SARDH: variants seen among roughly 807,000 people sequenced by gnomAD.
SARDH encodes sarcosine dehydrogenase, mitochondrial.
In SARDH, 95 loss-of-function variants were observed where a neutral mutation model predicts 109.1. The ratio of observed to expected loss-of-function variants is 0.87; its 90% CI spans 0.74 to 1.03. SARDH has a LOEUF of 1.03. Among genes scored for constraint, SARDH ranks in the 50% least tolerant of loss-of-function variants. SARDH has a pLI of 0.00. For missense variants in SARDH, 1,267 were observed against 1,287.8 expected, an observed-to-expected ratio of 0.98 and a Z score of 0.25; for synonymous variants, 572 against 534.8, an observed-to-expected ratio of 1.07 and a Z score of -0.96.
chr9:133,711,187 GGTCAGGA>G (rs1200904385), intron 10 of SARDH, among the ~76,000 whole-genome samples: 1 of 152,262 alleles, frequency 6.6e-6, no homozygotes, highest in African/African-American at 2.4e-5. Flanking sequence ...CTAGGCCCCA[GGTCAGGA>G]GCTGGGCAGG....
At position 133,704,195 on chromosome 9, in the gene SARDH, C is replaced by T. The variant is rs571549766; in HGVS notation, c.1554+753G>A. Among the ~76,000 whole-genome samples the T allele has an allele frequency of 5.9e-5, 9 of 152,302 alleles. No individual in the cohort carries two copies. The highest frequency in any genetic ancestry group is 2.2e-4 in the African/African-American group (9 of 41,564). ...TAGCCAGCTCTGGCTCTCATCTCCC[C>T]TCCCGATGCCCTGGAGCTCTGGAGC... is the stretch of plus-strand genomic sequence containing the variant. On this transcript the variant is annotated intron_variant, in intron 12 of 20. Coordinates refer to ENST00000439388, the MANE Select transcript of SARDH (RefSeq NM_001134707.2). This position sits in a 1 kb window ranked among gnomAD's most constrained non-coding sequence, Gnocchi z 4.5.
At chr9:133,713,199 C>A in intron 8 of SARDH, 75 bp from the exon 9 acceptor site, 2 of 1,340,850 alleles carry the variant, frequency 1.5e-6, no homozygotes, top group Non-Finnish European at 1.0e-6. Flanking sequence ...TCCAAGAGAG[C>A]AGTGATCAGG....
Position 133,731,354 on chromosome 9 carries a change from G to A in SARDH, c.641C>T (p.Ala214Val). The A allele has an allele frequency of 6.2e-7, 1 of 1,614,236 alleles. No individual in the cohort carries two copies. Among genetic ancestry groups the A allele is most frequent in the African/African-American group, 1.3e-5 (1 of 75,066 alleles). ...CCTGGCGAGGGTGGTACAGGTGCCA[G>A]CGGGGTCCATGGTACCGTCGTGCGG... ...YVPHDGTMDP[A>V]GTCTTLARAA... Residue 214 changes from alanine to valine, a missense_variant, in exon 4 of 21, where the codon GCT (alanine) becomes GTT (valine). By Grantham distance (64) the Ala-to-Val change is moderately conservative. Transcript: ENST00000439388.
At chr9:133,715,513 C>A (rs1428385566) in intron 8 of SARDH, among the ~76,000 whole-genome samples, 1 of 152,148 alleles carries the variant, frequency 6.6e-6, no homozygotes, top group East Asian at 1.9e-4. Context: ...CCCGGGGCTG[C>A]ACTTCACTCC....
At chr9:133,677,230 T>G (rs1356002487) in intron 17 of SARDH, among the ~76,000 whole-genome samples, 1 of 152,132 alleles carries the variant, frequency 6.6e-6, no homozygotes, top group Non-Finnish European at 1.5e-5. Context: ...AACAGTATCT[T>G]CGAAGCACAG....
At chr9:133,710,600 G>A (rs558999740) in intron 10 of SARDH, among the ~76,000 whole-genome samples, 7 of 152,212 alleles carry the variant, frequency 4.6e-5, no homozygotes, top group South Asian at 2.1e-4. Flanking sequence ...CCGTTCTGGC[G>A]CCGACGCTCT....
rs1274944617 is a variant in SARDH at position 133,718,676 on chromosome 9, C to T, written c.1020+262G>A. On this transcript the variant is annotated intron_variant, in intron 7 of 20. Coordinates refer to ENST00000439388, the MANE Select transcript of SARDH (RefSeq NM_001134707.2). The surrounding 1 kb of genome is among the most constrained non-coding windows in gnomAD (Gnocchi z 4.2). ...GTGTGCTCTCATGCCCTTCTGAGGT[C>T]ATCACTCCACACTGCGCAGACCTTC... 1 of 779,486 alleles carries T rather than the reference C, an allele frequency of 1.3e-6. No individual in the cohort carries two copies. The highest frequency in any genetic ancestry group is 2.4e-6 in the Non-Finnish European group (1 of 417,988). 48.3% of individuals were successfully genotyped at this position (779,486 alleles called of 1,614,324 possible).
intron 17 of SARDH, among the ~76,000 whole-genome samples, chr9:133,682,971 C>G (rs1427292855): frequency 6.6e-6 from 1 of 152,158 alleles, no homozygotes; most frequent in Admixed American, 6.5e-5. Context: ...TTTTACAACA[C>G]CAGTGATTTT....
Position 133,671,704 on chromosome 9 carries a change from G to T in SARDH, c.2164-7C>A. 1 of 1,563,178 alleles carries T rather than the reference G, an allele frequency of 6.4e-7. No individual in the cohort carries two copies. The highest frequency in any genetic ancestry group is 8.7e-7 in the Non-Finnish European group (1 of 1,153,952). ...ACAGCCGCATGGCTCGGACCTGGGG[G>T]ACAAGGTCATGGCTTAGATGTGGCC... On this transcript the variant is annotated splice_polypyrimidine_tract_variant and splice_region_variant and intron_variant, in intron 17 of 20. Coordinates refer to ENST00000439388, the MANE Select transcript of SARDH (RefSeq NM_001134707.2).
At chr9:133,678,289 A>G (rs1830584677) in intron 17 of SARDH, among the ~76,000 whole-genome samples, 1 of 152,140 alleles carries the variant, frequency 6.6e-6, no homozygotes, top group Admixed American at 6.5e-5. Flanking sequence ...TCCCCCAAGC[A>G]GGGCACCTGG....
At chr9:133,717,005 G>T (rs1474429707) in intron 8 of SARDH, among the ~76,000 whole-genome samples, 1 of 152,204 alleles carries the variant, frequency 6.6e-6, no homozygotes, top group Non-Finnish European at 1.5e-5. Context: ...TGAAAACACA[G>T]AATTCCAGGG....
intron 11 of SARDH, among the ~76,000 whole-genome samples, chr9:133,705,780 C>T (rs1831673213): frequency 6.6e-6 from 1 of 152,222 alleles, no homozygotes; most frequent in Non-Finnish European, 1.5e-5. Flanking sequence ...AAAGCCCTGA[C>T]CCTGACGTGA....
chr9:133,713,153 C>CTGAAAGAAGGAGAGAGAGG, intron 8 of SARDH, 29 bp from the exon 9 acceptor site: 1 of 1,590,958 alleles, frequency 6.3e-7, no homozygotes, highest in Non-Finnish European at 8.6e-7. Flanking sequence ...GGCCTGGAGT[C>CTGAAAGAAGGAGAGAGAGG]CCTTTTGCAG....
intron 3 of SARDH, among the ~76,000 whole-genome samples, chr9:133,732,040 T>C (rs751803738): frequency 6.6e-6 from 1 of 152,122 alleles, no homozygotes; most frequent in East Asian, 1.9e-4. Context: ...AGATTCTCTG[T>C]CTGGGAATTC....
chr9:133,733,905 A>G lies in SARDH; in HGVS notation c.269T>C (p.Met90Thr). The change falls in exon 2 of 21, where the codon ATG (methionine) becomes ACG (threonine). Residue 90 changes from methionine (M) to threonine (T), a missense_variant. Met to Thr is a moderately conservative substitution (Grantham distance 81). Coordinates refer to ENST00000439388, the MANE Select transcript of SARDH (RefSeq NM_001134707.2). ...CCGCTCCAGCAGCACCGCCCCACTCATGCCCAGCTTGGCCAGGTGGTACAG... is the reference window on the plus strand; with the variant it reads ...CCGCTCCAGCAGCACCGCCCCACTCGTGCCCAGCTTGGCCAGGTGGTACAG... ...QTLYHLAKLG[M>T]SGAVLLERER... 6.5e-7 allele frequency: 1 copy of G among 1,548,020 alleles called. No homozygotes were observed. Among genetic ancestry groups the G allele is most frequent in the Non-Finnish European group, 8.7e-7 (1 of 1,146,644 alleles).
intron 3 of SARDH, among the ~76,000 whole-genome samples, chr9:133,731,953 A>AAGAACAGCCCAAGAACAGCCCC (rs1422901410): frequency 6.6e-6 from 1 of 152,184 alleles, no homozygotes; most frequent in Non-Finnish European, 1.5e-5. Context: ...CCACGCCCCC[A>AAGAACAGCCCAAGAACAGCCCC]CATTTGATTG....
chr9:133,691,169 A>AC (rs1831079042), intron 15 of SARDH, among the ~76,000 whole-genome samples: 16 of 112,176 alleles, frequency 1.4e-4, no homozygotes, highest in Admixed American at 4.3e-4. Context: ...CACCTCCCCC[A>AC]ACACACACAC....
chr9:133,667,110 T>C (rs1830100926), intron 19 of SARDH: 1 of 594,762 alleles, frequency 1.7e-6, no homozygotes. Flanking sequence ...AAACCAGGAG[T>C]GGACTTTGCT....
intron 11 of SARDH, among the ~76,000 whole-genome samples, chr9:133,706,498 G>T (rs539382304): frequency 6.6e-6 from 1 of 152,198 alleles, no homozygotes; most frequent in Non-Finnish European, 1.5e-5. Context: ...TCCCTGTGGG[G>T]TGATGAGAAT....
Sources: gnomAD v4.1 joint callset for allele counts (sites outside exome capture counted in the v4.1 genomes callset) on GRCh38, gnomAD v4.1.1 for gene constraint, Gnocchi (gnomAD v3.1) non-coding constraint, MANE v1.5 for transcripts, NCBI Gene and HGNC (gene_info 2026-07-23, HGNC 2026-07-21) for gene names.